The following ARHGAP22 variants were observed in gnomAD, a reference collection of about 807,000 sequenced individuals.
ARHGAP22 encodes Rho GTPase activating protein 22.
Under a neutral mutation model 59.1 loss-of-function variants are expected in ARHGAP22, and 48 were observed. That is an observed-to-expected ratio of 0.81 (90% CI 0.64 to 1.03). The LOEUF is 1.03. Ranked by LOEUF, ARHGAP22 falls within the 50% of genes least tolerant of loss-of-function variation. The pLI is 0.00. For synonymous variants in ARHGAP22, 445 were observed against 416.4 expected (o/e 1.07, Z -0.84); for missense variants, 1,015 against 958.7 (o/e 1.06, Z -0.78).
intron 3 of ARHGAP22, among the ~76,000 whole-genome samples, chr10:48,485,769 T>A (rs2049792926): frequency 6.6e-6 from 1 of 152,214 alleles, no homozygotes; most frequent in South Asian, 2.1e-4. Flanking sequence ...CTAGTCATAT[T>A]TTTTACTCTG....
At chr10:48,529,395 A>G (rs1354334617) in intron 3 of ARHGAP22, among the ~76,000 whole-genome samples, 1 of 152,182 alleles carries the variant, frequency 6.6e-6, no homozygotes, top group Non-Finnish European at 1.5e-5. Flanking sequence ...AATTGACAGA[A>G]GGTAGCAGAA....
chr10:48,445,203 G>GA (rs2045296568), downstream of ARHGAP22: 1 of 152,260 alleles, frequency 6.6e-6, no homozygotes, highest in Non-Finnish European at 1.5e-5. Flanking sequence ...ATTTATACCT[G>GA]ACTCTAGATG....
chr10:48,582,806 G>T, intron 2 of ARHGAP22, 147 bp downstream of exon 2: 1 of 867,738 alleles, frequency 1.2e-6, no homozygotes, highest in Middle Eastern at 3.4e-4. Context: ...TGGGGGATAA[G>T]AATGAAAATT....
chr10:48,513,649 C>T (rs966435584), intron 3 of ARHGAP22, among the ~76,000 whole-genome samples: 3 of 152,164 alleles, frequency 2.0e-5, no homozygotes, highest in South Asian at 2.1e-4. Context: ...AAAATAGCTA[C>T]AACAGCAACC....
intron 2 of ARHGAP22, among the ~76,000 whole-genome samples, chr10:48,572,478 G>A (rs571134419): frequency 1.2e-4 from 19 of 152,324 alleles, no homozygotes; most frequent in Admixed American, 6.5e-4. Context: ...TGCACACAGA[G>A]GGCCTTCATG....
chr10:48,538,258 T>C (rs2055564614), intron 3 of ARHGAP22, among the ~76,000 whole-genome samples: 2 of 152,204 alleles, frequency 1.3e-5, no homozygotes, highest in African/African-American at 4.8e-5. Context: ...TTCCTCCCTC[T>C]GTGTCTCTGT....
intron 1 of ARHGAP22, among the ~76,000 whole-genome samples, chr10:48,626,742 T>C (rs1379593354): frequency 6.6e-6 from 1 of 152,184 alleles, no homozygotes; most frequent in African/African-American, 2.4e-5. Context: ...GTACCAGGCA[T>C]GAGCTCCTAA....
chr10:48,584,151 G>C (rs1279141820), intron 1 of ARHGAP22, among the ~76,000 whole-genome samples: 1 of 152,238 alleles, frequency 6.6e-6, no homozygotes, highest in Non-Finnish European at 1.5e-5. Flanking sequence ...AATCACACCT[G>C]TAATTCTTAG....
At chr10:48,627,738 C>A (rs1263832780) in intron 1 of ARHGAP22, among the ~76,000 whole-genome samples, 1 of 152,228 alleles carries the variant, frequency 6.6e-6, no homozygotes, top group Non-Finnish European at 1.5e-5. Flanking sequence ...AAGATCCCAA[C>A]TGATAATGTG....
At chr10:48,594,800 T>A (rs920586645) in intron 1 of ARHGAP22, among the ~76,000 whole-genome samples, 8 of 152,138 alleles carry the variant, frequency 5.3e-5, no homozygotes, top group Non-Finnish European at 7.4e-5. Flanking sequence ...ACTCTTCAGT[T>A]GGGGGCTCAG....
At chr10:48,444,009 C>T (rs796125073), downstream of ARHGAP22, 19 of 152,276 alleles carry the variant, frequency 1.2e-4, no homozygotes, top group African/African-American at 3.8e-4. Context: ...ACAAGTTTTA[C>T]GACACTGTTG....
rs774057283 is a variant in ARHGAP22, at chr10:48,479,678, C to T, written c.409G>A (p.Val137Met). Residue 137 changes from valine (V) to methionine (M), a missense_variant, in exon 4 of 10, where the codon GTG (valine) becomes ATG (methionine). Physicochemically the swap from Val to Met is conservative, Grantham distance 21. Coordinates refer to ENST00000249601, the MANE Select transcript of ARHGAP22 (RefSeq NM_021226.4). ...CAGATGACTCGGCGGATGGCCTGCACCCAGTCCTCCATGTCACGCTGGGAG... is the reference window on the plus strand; with the variant it reads ...CAGATGACTCGGCGGATGGCCTGCATCCAGTCCTCCATGTCACGCTGGGAG... ...ASSQRDMEDW[V>M]QAIRRVIWAP... 138 of 1,612,834 alleles carry T rather than the reference C, an allele frequency of 8.6e-5. No individual in the cohort carries two copies. The highest frequency in any genetic ancestry group is 1.1e-4 in the Non-Finnish European group (131 of 1,179,716).
At chr10:48,462,732 G>A (rs1048168391) in intron 4 of ARHGAP22, among the ~76,000 whole-genome samples, 32 of 152,224 alleles carry the variant, frequency 2.1e-4, no homozygotes, top group Non-Finnish European at 4.4e-4. Flanking sequence ...AAGACCAGGC[G>A]CCCCTGCCCA....
At chr10:48,617,948 T>A (rs745540237) in intron 1 of ARHGAP22, among the ~76,000 whole-genome samples, 1 of 151,780 alleles carries the variant, frequency 6.6e-6, no homozygotes, top group African/African-American at 2.4e-5. Flanking sequence ...CTAGACCAAG[T>A]ATGAGAAAAA....
chr10:48,493,614 T>C (rs1437027784), intron 3 of ARHGAP22: 2 of 1,463,074 alleles, frequency 1.4e-6, no homozygotes. Context: ...CGGCTGCCTG[T>C]GTGCTCTGCC....
intron 3 of ARHGAP22, among the ~76,000 whole-genome samples, chr10:48,483,808 T>C (rs2049580177): frequency 6.6e-6 from 1 of 152,230 alleles, no homozygotes; most frequent in Admixed American, 6.5e-5. Flanking sequence ...CAAATATTTT[T>C]CTCCTATTCA....
At position 48,450,306 on chromosome 10, in the gene ARHGAP22, G is replaced by A. The variant is rs767236659; in HGVS notation, c.1823C>T (p.Ala608Val). 1.9e-6 allele frequency: 3 copies of A among 1,607,586 alleles called. No individual in the cohort carries two copies. Among genetic ancestry groups the A allele is most frequent in the Non-Finnish European group, 2.5e-6 (3 of 1,177,600 alleles). The change falls in exon 9 of 10, where the codon GCC (alanine) becomes GTC (valine). Residue 608 changes from alanine to valine, a missense_variant. Transcript: ENST00000249601. ...CTCAGTCCGCTGGCGGCACAGCTCGGCCCTGAGCTCAGTGACCAGCCCCTG... is the reference window on the plus strand; with the variant it reads ...CTCAGTCCGCTGGCGGCACAGCTCGACCCTGAGCTCAGTGACCAGCCCCTG... ...ALQGLVTELR[A>V]ELCRQRTEYE...
At chr10:48,487,845 T>C (rs888280377) in intron 3 of ARHGAP22, among the ~76,000 whole-genome samples, 5 of 152,154 alleles carry the variant, frequency 3.3e-5, no homozygotes, top group African/African-American at 4.8e-5. Flanking sequence ...GGTGGGAGGA[T>C]TGCTTGAGCC....
At chr10:48,493,707 C>T (rs1006657802) in intron 3 of ARHGAP22, 32 of 1,336,008 alleles carry the variant, frequency 2.4e-5, no homozygotes, top group African/African-American at 4.5e-5. Flanking sequence ...CTGTCTGGGG[C>T]GGGGCAAGAA....
Sources: allele counts gnomAD v4.1 joint callset (sites outside exome capture counted in the v4.1 genomes callset), GRCh38; gene constraint gnomAD v4.1.1; transcripts MANE v1.5; gene names NCBI Gene and HGNC (gene_info 2026-07-23, HGNC 2026-07-21).